LINC01488: variants seen among roughly 807,000 people sequenced by gnomAD.
LINC01488 encodes long independently transcribed non-coding RNA 1488.
intron 1 of LINC01488, among the ~76,000 whole-genome samples, chr11:69,489,119 A>T (rs1857172974): frequency 6.6e-6 from 1 of 152,106 alleles, no homozygotes; most frequent in Non-Finnish European, 1.5e-5. Flanking sequence ...TGGCCCCCAA[A>T]CGCCCCTCGG....
chr11:69,488,622 G>A (rs1857163406), intron 1 of LINC01488, among the ~76,000 whole-genome samples: 1 of 152,368 alleles, frequency 6.6e-6, no homozygotes, highest in African/African-American at 2.4e-5. Context: ...ACAATGGAAC[G>A]TTGTGCCGCC....
intron 1 of LINC01488, among the ~76,000 whole-genome samples, chr11:69,486,757 G>T (rs923061697): frequency 6.6e-6 from 1 of 152,144 alleles, no homozygotes; most frequent in African/African-American, 2.4e-5. Flanking sequence ...AAGCCCCCGC[G>T]ATGGGTGGCA....
At chr11:69,487,144 CAG>C (rs1253526532) in intron 1 of LINC01488, among the ~76,000 whole-genome samples, 2 of 152,220 alleles carry the variant, frequency 1.3e-5, no homozygotes, top group African/African-American at 4.8e-5. Context: ...TAAATGAAAA[CAG>C]GGCAGGAATG....
intron 1 of LINC01488, among the ~76,000 whole-genome samples, chr11:69,489,200 C>T (rs1350209567): frequency 1.3e-5 from 2 of 152,144 alleles, no homozygotes; most frequent in Admixed American, 1.3e-4. Flanking sequence ...CAGACCACAC[C>T]GAGACCCCAG....
intron 1 of LINC01488, chr11:69,486,134 C>A (rs1857111719): frequency 1.3e-5 from 2 of 152,260 alleles, no homozygotes; most frequent in South Asian, 4.1e-4. Flanking sequence ...GGTCCAAGCT[C>A]TTACCTCAGG....
At chr11:69,483,863 C>T (rs905019719) in intron 1 of LINC01488, among the ~76,000 whole-genome samples, 1 of 152,170 alleles carries the variant, frequency 6.6e-6, no homozygotes, top group Non-Finnish European at 1.5e-5. Flanking sequence ...GCTGCCGAGG[C>T]GGGTGCCTCC....
At chr11:69,482,953 T>G (rs1857063309) in intron 1 of LINC01488, among the ~76,000 whole-genome samples, 1 of 152,222 alleles carries the variant, frequency 6.6e-6, no homozygotes, top group South Asian at 2.1e-4. Context: ...CCTGGTGACC[T>G]CCTTTTAATT....
At chr11:69,490,566 G>A (rs1857204736) in intron 2 of LINC01488, 2 of 152,290 alleles carry the variant, frequency 1.3e-5, no homozygotes, top group African/African-American at 4.8e-5. Context: ...CGCAGGTGAG[G>A]TGGGGTCCCT....
chr11:69,486,851 C>T (rs1327902806), intron 1 of LINC01488, among the ~76,000 whole-genome samples: 1 of 152,222 alleles, frequency 6.6e-6, no homozygotes, highest in Non-Finnish European at 1.5e-5. Context: ...CTGCTCCTGG[C>T]CCTGCCCCAC....
At chr11:69,485,782 T>C (rs1857105621) in intron 1 of LINC01488, 1 of 152,244 alleles carries the variant, frequency 6.6e-6, no homozygotes, top group African/African-American at 2.4e-5. Flanking sequence ...CTCCAGGCCT[T>C]CTGCTGCCAC....
At chr11:69,484,319 C>T (rs576581437) in intron 1 of LINC01488, among the ~76,000 whole-genome samples, 3 of 152,276 alleles carry the variant, frequency 2.0e-5, no homozygotes, top group East Asian at 1.9e-4. Context: ...GGGACAGTCC[C>T]GGCATGAGTA....
chr11:69,485,458 C>T (rs1377510578), intron 1 of LINC01488, among the ~76,000 whole-genome samples: 1 of 152,238 alleles, frequency 6.6e-6, no homozygotes, highest in South Asian at 2.1e-4. Context: ...CCACCCCTAG[C>T]CCCAGGTGCC....
intron 2 of LINC01488, chr11:69,490,852 A>G (rs1857208490): frequency 6.6e-6 from 1 of 151,230 alleles, no homozygotes; most frequent in African/African-American, 2.4e-5. Context: ...CCCTTTCCAG[A>G]CTCTGCACCC....
exon 4 of LINC01488, chr11:69,492,158 G>T (rs890241693): frequency 6.6e-6 from 1 of 152,266 alleles, no homozygotes; most frequent in Non-Finnish European, 1.5e-5. Context: ...TGGAAGCCAG[G>T]AGGCCAACGA....
At chr11:69,492,371 C>G (rs1220298187) in exon 4 of LINC01488, 4 of 152,296 alleles carry the variant, frequency 2.6e-5, no homozygotes, top group African/African-American at 9.6e-5. Context: ...ACAAAGGGGA[C>G]TTTGCAGGCA....
At chr11:69,483,889 G>A (rs769462792) in intron 1 of LINC01488, among the ~76,000 whole-genome samples, 7 of 152,142 alleles carry the variant, frequency 4.6e-5, no homozygotes, top group African/African-American at 1.4e-4. Context: ...GGCTGGGGCC[G>A]GAAACCAGGG....
At position 69,489,615 on chromosome 11, in the gene LINC01488, G is replaced by A. The variant is rs548084995; in HGVS notation, n.123-880G>A. Among the ~76,000 whole-genome samples, 4 of 152,366 alleles carry A rather than the reference G, an allele frequency of 2.6e-5. No homozygotes were observed. The East Asian group carries it at 7.7e-4, about 29-fold the overall frequency. On this transcript the variant is annotated intron_variant and non_coding_transcript_variant, in intron 1 of 3. Coordinates refer to ENST00000644563, the Ensembl canonical transcript of LINC01488. ...CGTGCTCCTGCTGCAGGCGGGCTGC[G>A]GACTCCCATGCACCGGTAGCGGGTG... is the stretch of plus-strand genomic sequence containing the variant.
chr11:69,482,736 T>C (rs1272757553), intron 1 of LINC01488, among the ~76,000 whole-genome samples: 1 of 152,228 alleles, frequency 6.6e-6, no homozygotes, highest in Non-Finnish European at 1.5e-5. Flanking sequence ...TTCTGCAGAC[T>C]GGACTGCTTA....
At chr11:69,489,304 C>A (rs1438161719) in intron 1 of LINC01488, among the ~76,000 whole-genome samples, 1 of 152,204 alleles carries the variant, frequency 6.6e-6, no homozygotes, top group Non-Finnish European at 1.5e-5. Flanking sequence ...AATGAGGGAG[C>A]TCAAGACTCC....
Sources: gnomAD v4.1 joint callset for allele counts (sites outside exome capture counted in the v4.1 genomes callset) on GRCh38, gnomAD v4.1.1 for gene constraint, MANE v1.5 for transcripts, NCBI Gene and HGNC (gene_info 2026-07-23, HGNC 2026-07-21) for gene names.